Variants in BMP6 observed in about 807,000 individuals in gnomAD.
BMP6 encodes the protein bone morphogenetic protein 6, also known as VG-1-R.
In BMP6, 17 loss-of-function variants were observed where a neutral mutation model predicts 54.1. The observed-to-expected ratio is 0.31, with a 90% CI of 0.22 to 0.47. The LOEUF (loss-of-function observed/expected upper bound fraction) is 0.47, where lower values mean the gene tolerates loss of function less well. Among genes scored for constraint, BMP6 ranks in the 20% least tolerant of loss-of-function variants. The pLI is 1.00. For synonymous variants in BMP6, 328 were observed against 291.2 expected, an observed-to-expected ratio of 1.13 and a Z score of -1.28; for missense variants, 720 against 690.4, an observed-to-expected ratio of 1.04 and a Z score of -0.48.
At chr6:7,820,679 T>A (rs1297113055) in intron 1 of BMP6, among the ~76,000 whole-genome samples, 1 of 152,098 alleles carries the variant, frequency 6.6e-6, no homozygotes, top group African/African-American at 2.4e-5. Flanking sequence ...TGCAGCACAT[T>A]TTTCTAGGAG....
intron 2 of BMP6, among the ~76,000 whole-genome samples, chr6:7,850,179 G>A (rs1022253955): frequency 6.6e-6 from 1 of 152,138 alleles, no homozygotes; most frequent in African/African-American, 2.4e-5. Context: ...GTCTCGCTCT[G>A]TTGCCCATGC....
At chr6:7,873,259 A>C (rs896677189) in intron 4 of BMP6, among the ~76,000 whole-genome samples, 1 of 152,210 alleles carries the variant, frequency 6.6e-6, no homozygotes, top group African/African-American at 2.4e-5. Context: ...TTGGGAGTTC[A>C]CATTACCGCC....
At chr6:7,854,970 C>T (rs1005416896) in intron 2 of BMP6, among the ~76,000 whole-genome samples, 3 of 152,278 alleles carry the variant, frequency 2.0e-5, no homozygotes, top group Admixed American at 1.3e-4. Context: ...CTTTCCCCCT[C>T]TTACCCTGCC....
chr6:7,878,382 T>A (rs184681195), intron 4 of BMP6, among the ~76,000 whole-genome samples: 1 of 152,234 alleles, frequency 6.6e-6, no homozygotes, highest in Admixed American at 6.5e-5. Context: ...CTCTTGCTGG[T>A]GATTCAGTTA....
At chr6:7,773,736 A>T (rs270386) in intron 1 of BMP6, among the ~76,000 whole-genome samples, 1 of 151,992 alleles carries the variant, frequency 6.6e-6, no homozygotes, top group Non-Finnish European at 1.5e-5. Context: ...TAATTGAATC[A>T]TGTACATGGG....
chr6:7,744,743 A>C (rs751300504), intron 1 of BMP6, among the ~76,000 whole-genome samples: 6 of 152,150 alleles, frequency 3.9e-5, no homozygotes, highest in Non-Finnish European at 7.3e-5. Context: ...CCCAGAATTT[A>C]GGACCATAAC....
chr6:7,758,448 G>T (rs1757559055), intron 1 of BMP6, among the ~76,000 whole-genome samples: 1 of 152,084 alleles, frequency 6.6e-6, no homozygotes. Flanking sequence ...AAATCCATCT[G>T]GGTTTCTGTT....
At chr6:7,805,050 T>A (rs1042510837) in intron 1 of BMP6, among the ~76,000 whole-genome samples, 1 of 152,236 alleles carries the variant, frequency 6.6e-6, no homozygotes, top group African/African-American at 2.4e-5. Flanking sequence ...AGCAATTTTA[T>A]TGTTGAAAGT....
At chr6:7,806,398 G>GT (rs1457901680) in intron 1 of BMP6, among the ~76,000 whole-genome samples, 2 of 152,222 alleles carry the variant, frequency 1.3e-5, no homozygotes, top group African/African-American at 2.4e-5. Context: ...ATCTTTATGA[G>GT]TGTTTGCATT....
chr6:7,805,332 A>C (rs1384697133), intron 1 of BMP6, among the ~76,000 whole-genome samples: 1 of 152,230 alleles, frequency 6.6e-6, no homozygotes, highest in East Asian at 1.9e-4. Context: ...ACAGAGCTGC[A>C]CACTGACACA....
intron 1 of BMP6, among the ~76,000 whole-genome samples, chr6:7,808,074 C>A (rs796282859): frequency 6.6e-6 from 1 of 151,918 alleles, no homozygotes; most frequent in African/African-American, 2.4e-5. Flanking sequence ...GCACCCGCCA[C>A]CACACCCGGC....
At chr6:7,752,409 A>G (rs1367500378) in intron 1 of BMP6, among the ~76,000 whole-genome samples, 1 of 152,186 alleles carries the variant, frequency 6.6e-6, no homozygotes, top group Non-Finnish European at 1.5e-5. Context: ...CTCCCTTTGT[A>G]TAGGCTTGAT....
chr6:7,862,566 C>G (rs1479177018), intron 4 of BMP6, 68 bp downstream of exon 4: 12 of 1,582,088 alleles, frequency 7.6e-6, no homozygotes, highest in Non-Finnish European at 8.6e-6. Flanking sequence ...AAGTTGTGTC[C>G]ACAGTCTCAG....
chr6:7,876,799 C>CT (rs1431084415), intron 4 of BMP6, among the ~76,000 whole-genome samples: 1 of 151,984 alleles, frequency 6.6e-6, no homozygotes, highest in East Asian at 1.9e-4. Flanking sequence ...TCTACCTGTT[C>CT]TTTTTTCATG....
intron 5 of BMP6, 82 bp from the exon 6 acceptor site, chr6:7,879,909 C>A: frequency 7.2e-6 from 10 of 1,394,156 alleles, no homozygotes; most frequent in Non-Finnish European, 9.1e-6. Flanking sequence ...TGAAAAATAC[C>A]TTTTCACAGC....
chr6:7,787,017 C>T (rs1161699674), intron 1 of BMP6, among the ~76,000 whole-genome samples: 31 of 152,178 alleles, frequency 2.0e-4, no homozygotes, highest in Non-Finnish European at 1.5e-5. Flanking sequence ...CCCAGAGCTG[C>T]CATTTCTCTA....
At chr6:7,814,351 T>C (rs1758491138) in intron 1 of BMP6, among the ~76,000 whole-genome samples, 1 of 152,178 alleles carries the variant, frequency 6.6e-6, no homozygotes, top group African/African-American at 2.4e-5. Flanking sequence ...ATCTTAGGAG[T>C]CCATTTTAGA....
chr6:7,805,728 T>C (rs1758337837), intron 1 of BMP6, among the ~76,000 whole-genome samples: 4 of 152,218 alleles, frequency 2.6e-5, no homozygotes, highest in Admixed American at 2.6e-4. Context: ...AAAGAGCAAC[T>C]TGTAAGAGCC....
At chr6:7,859,756 C>T (rs1204082382) in intron 2 of BMP6, among the ~76,000 whole-genome samples, 1 of 152,080 alleles carries the variant, frequency 6.6e-6, no homozygotes, top group Non-Finnish European at 1.5e-5. Context: ...GTGACACATC[C>T]ACATCAGAGA....
Sources: allele counts gnomAD v4.1 joint callset (sites outside exome capture counted in the v4.1 genomes callset), GRCh38; gene constraint gnomAD v4.1.1; transcripts MANE v1.5; gene names NCBI Gene and HGNC (gene_info 2026-07-23, HGNC 2026-07-21).